Variants in PRKCE observed in about 807,000 individuals in gnomAD.
The protein encoded by PRKCE is protein kinase C epsilon, also known as protein kinase C epsilon type.
PRKCE carries 16 observed loss-of-function variants against 85.4 expected under a neutral mutation model. That is an observed-to-expected ratio of 0.19 (90% CI 0.13 to 0.28). The LOEUF (loss-of-function observed/expected upper bound fraction) is 0.28, where lower values mean the gene tolerates loss of function less well. PRKCE is among the 10% of genes least tolerant of loss of function. The pLI is 1.00. For missense variants in PRKCE, 573 were observed against 975.2 expected (o/e 0.59, Z 5.49); for synonymous variants, 388 against 371.5 (o/e 1.04, Z -0.51).
rs1174453584 is a variant in PRKCE, at chr2:45,744,440, TC to T, written c.348+91993del. Among the ~76,000 whole-genome samples the T allele has an allele frequency of 3.9e-3, 198 of 50,524 alleles. 1 individual carries two copies. The highest frequency in any genetic ancestry group is 0.019 in the African/African-American group (192 of 10,206). The allele number at this position is 50,524 out of a possible 152,430, so 33.1% of individuals were successfully genotyped here. On this transcript the variant is annotated intron_variant, in intron 1 of 14. Transcript: ENST00000306156. Reference sequence around the variant, plus strand: ...TTCTTTCTTTCTTTCTTTCTTTCTTTCTTTCTTTCTTTCTTTCTTTCTTTCT... The same window carrying T: ...TTCTTTCTTTCTTTCTTTCTTTCTTTTTTCTTTCTTTCTTTCTTTCTTTCT...
intron 2 of PRKCE, among the ~76,000 whole-genome samples, chr2:45,863,193 C>A (rs1693309762): frequency 6.6e-6 from 1 of 152,106 alleles, no homozygotes; most frequent in South Asian, 2.1e-4. Context: ...AGTCTAGACC[C>A]TACTGTCTAG....
rs772152330 is a variant in PRKCE, at chr2:45,749,366, C to T, written c.349-93634C>T. ...TGAGAGATGTGATCTTCAGCTCATA[C>T]GTTATTCTAGCTCCTGGGCCTCAGT... On this transcript the variant is annotated intron_variant, in intron 1 of 14. Transcript: ENST00000306156. Among the ~76,000 whole-genome samples, 36 of 152,270 alleles carry T rather than the reference C, an allele frequency of 2.4e-4. No individual in the cohort carries two copies. In the East Asian group the frequency reaches 3.1e-3, roughly 13 times the overall value.
Position 45,974,280 on chromosome 2 carries a change from G to C in PRKCE, c.413-2149G>C, listed in dbSNP as rs546232245. ...TGTGTGTGTTGCTGTCTCTATACTA[G>C]AACAGACCTGGGTCCTCCCGTGAGA... is the stretch of plus-strand genomic sequence containing the variant. On this transcript the variant is annotated intron_variant, in intron 2 of 14. Coordinates refer to ENST00000306156, the MANE Select transcript of PRKCE (RefSeq NM_005400.3). 1.5e-4 allele frequency among the ~76,000 whole-genome samples: 23 copies of C among 152,338 alleles called. No individual in the cohort carries two copies. In the South Asian group the frequency reaches 3.9e-3, roughly 26 times the overall value.
At chr2:46,089,109 C>A (rs1218051414) in intron 11 of PRKCE, among the ~76,000 whole-genome samples, 1 of 151,698 alleles carries the variant, frequency 6.6e-6, no homozygotes, top group Non-Finnish European at 1.5e-5. Context: ...ACTTGCCTTC[C>A]CATTGTCCTA....
chr2:45,727,010 A>C (rs756736520), intron 1 of PRKCE, among the ~76,000 whole-genome samples: 1 of 152,196 alleles, frequency 6.6e-6, no homozygotes, highest in Non-Finnish European at 1.5e-5. Context: ...ATTGAGTTTG[A>C]GATTTGACCT....
chr2:45,690,994 T>C (rs557542760), intron 1 of PRKCE, among the ~76,000 whole-genome samples: 1 of 152,368 alleles, frequency 6.6e-6, no homozygotes, highest in South Asian at 2.1e-4. Flanking sequence ...ACCAAAAAGC[T>C]TCAAAATAGC....
intron 2 of PRKCE, among the ~76,000 whole-genome samples, chr2:45,932,410 G>A (rs2104068545): frequency 6.6e-6 from 1 of 152,214 alleles, no homozygotes; most frequent in East Asian, 1.9e-4. Context: ...GTACACGCTG[G>A]CATTGAGTGC....
At chr2:45,987,236 G>A (rs536964231) in intron 6 of PRKCE, among the ~76,000 whole-genome samples, 2 of 152,158 alleles carry the variant, frequency 1.3e-5, no homozygotes, top group South Asian at 4.2e-4. Context: ...TCTTGCCCCT[G>A]CTCAAGGAAA....
intron 2 of PRKCE, among the ~76,000 whole-genome samples, chr2:45,933,895 G>A (rs1228443140): frequency 1.3e-5 from 2 of 152,120 alleles, no homozygotes; most frequent in Non-Finnish European, 2.9e-5. Context: ...TAACAGGGTC[G>A]GGGGACTAGT....
chr2:46,122,300 T>C (rs995907906), intron 11 of PRKCE, among the ~76,000 whole-genome samples: 5 of 152,138 alleles, frequency 3.3e-5, no homozygotes, highest in African/African-American at 1.2e-4. Flanking sequence ...GGCGTGATCT[T>C]GGCTCACTGC....
intron 1 of PRKCE, among the ~76,000 whole-genome samples, chr2:45,754,242 T>A (rs1290417447): frequency 1.3e-5 from 2 of 152,198 alleles, no homozygotes; most frequent in Non-Finnish European, 2.9e-5. Flanking sequence ...GCTGCTGAGA[T>A]GCTTTCACTT....
intron 11 of PRKCE, among the ~76,000 whole-genome samples, chr2:46,097,822 C>T (rs995153767): frequency 2.0e-5 from 3 of 152,204 alleles, no homozygotes; most frequent in South Asian, 2.1e-4. Flanking sequence ...CTGAGACTAT[C>T]TTTATCCCAA....
At chr2:45,975,430 G>A (rs1702382758) in intron 2 of PRKCE, among the ~76,000 whole-genome samples, 1 of 152,124 alleles carries the variant, frequency 6.6e-6, no homozygotes, top group Non-Finnish European at 1.5e-5. Flanking sequence ...GGGATCTGCT[G>A]AGGGCCCTCT....
intron 2 of PRKCE, among the ~76,000 whole-genome samples, chr2:45,913,968 A>G (rs556853524): frequency 1.7e-4 from 26 of 152,354 alleles, no homozygotes; most frequent in African/African-American, 6.0e-4. Flanking sequence ...TCCTCGATGC[A>G]GAATTTACTG....
intron 14 of PRKCE, chr2:46,160,065 G>A (rs1172074049): frequency 3.3e-6 from 1 of 299,620 alleles, no homozygotes; most frequent in African/African-American, 2.3e-5. Flanking sequence ...TTCCATGTAT[G>A]GTAGAGACAT....
chr2:45,751,534 T>C (rs1292143170), intron 1 of PRKCE, among the ~76,000 whole-genome samples: 2 of 152,120 alleles, frequency 1.3e-5, no homozygotes, highest in Non-Finnish European at 1.5e-5. Context: ...TATGTATAAC[T>C]CTTGTTTCTC....
intron 14 of PRKCE, among the ~76,000 whole-genome samples, chr2:46,180,701 G>A (rs1679890808): frequency 6.6e-6 from 1 of 152,210 alleles, no homozygotes; most frequent in Admixed American, 6.5e-5. Context: ...CTGTATGCCA[G>A]GTTCTGCAGA....
chr2:45,841,021 C>A (rs1691303051), intron 1 of PRKCE, among the ~76,000 whole-genome samples: 1 of 152,128 alleles, frequency 6.6e-6, no homozygotes, highest in Non-Finnish European at 1.5e-5. Context: ...TTTCCCACCT[C>A]CACGAGTGTG....
intron 14 of PRKCE, among the ~76,000 whole-genome samples, chr2:46,162,060 C>A (rs765099408): frequency 6.6e-6 from 1 of 152,182 alleles, no homozygotes; most frequent in African/African-American, 2.4e-5. Flanking sequence ...CACTAACACG[C>A]AGGCATTGCC....
Sources: gnomAD v4.1 joint callset for allele counts (sites outside exome capture counted in the v4.1 genomes callset) on GRCh38, gnomAD v4.1.1 for gene constraint, MANE v1.5 for transcripts, NCBI Gene and HGNC (gene_info 2026-07-23, HGNC 2026-07-21) for gene names.